Variants in RASEF observed in about 807,000 individuals in gnomAD.
RASEF encodes RAS and EF-hand domain containing.
A neutral mutation model predicts 90.1 loss-of-function variants in RASEF; 68 were observed. The observed-to-expected ratio is 0.75, with a 90% confidence interval of 0.62 to 0.92. RASEF has a LOEUF of 0.92. Among genes scored for constraint, RASEF ranks in the 40% least tolerant of loss-of-function variants. The pLI, the probability that RASEF is intolerant of heterozygous loss-of-function variation, is 0.00. For missense variants in RASEF, 949 were observed against 937.2 expected (o/e 1.01, Z -0.16); for synonymous variants, 331 against 345.2 (o/e 0.96, Z 0.46).
chr9:83,001,739 G>T (rs2118450425), intron 9 of RASEF, among the ~76,000 whole-genome samples: 1 of 152,182 alleles, frequency 6.6e-6, no homozygotes, highest in African/African-American at 2.4e-5. Flanking sequence ...AGCTTTTCTG[G>T]GTGTCATATT....
At chr9:83,071,038 C>T in the RASEF span, among the ~76,000 whole-genome samples, 1 of 152,110 alleles carries the variant, frequency 6.6e-6, no homozygotes, top group African/African-American at 2.4e-5. Context: ...GAATTTTCTC[C>T]ATACACAATT....
the RASEF span, among the ~76,000 whole-genome samples, chr9:83,171,329 T>C: frequency 6.6e-6 from 1 of 151,936 alleles, no homozygotes; most frequent in Non-Finnish European, 1.5e-5. Flanking sequence ...TTCAATTTGC[T>C]GGTATTTTAT....
chr9:83,123,614 C>T, the RASEF span, among the ~76,000 whole-genome samples: 1 of 128,718 alleles, frequency 7.8e-6, no homozygotes, highest in East Asian at 2.2e-4. Flanking sequence ...CAGATGCTTC[C>T]CTCCTCCTTC....
the RASEF span, among the ~76,000 whole-genome samples, chr9:83,208,643 C>T: frequency 2.0e-5 from 3 of 152,136 alleles, no homozygotes; most frequent in African/African-American, 7.2e-5. Context: ...GGGCATGGCA[C>T]CTCCTCCCTC....
chr9:83,023,268 A>G lies in RASEF; in HGVS notation c.579-842T>C, dbSNP rs188727401. ...GAATGTAGATAAGGTTACCTTTTAG[A>G]AAAATTATGTTTCTGTTAGGAGTGC... On this transcript the variant is annotated intron_variant, in intron 2 of 16. Coordinates refer to ENST00000376447, the MANE Select transcript of RASEF (RefSeq NM_152573.4). Among the ~76,000 whole-genome samples the G allele has an allele frequency of 3.4e-3, 512 of 152,352 alleles. 5 individuals carry two copies. Among genetic ancestry groups the G allele is most frequent in the African/African-American group, 0.011 (470 of 41,582 alleles).
At chr9:83,024,735 G>C (rs1024250059) in intron 2 of RASEF, among the ~76,000 whole-genome samples, 1 of 152,192 alleles carries the variant, frequency 6.6e-6, no homozygotes, top group African/African-American at 2.4e-5. Context: ...TTCATACCAA[G>C]AATTTAAAAT....
At chr9:83,085,361 C>T in the RASEF span, among the ~76,000 whole-genome samples, 1 of 152,212 alleles carries the variant, frequency 6.6e-6, no homozygotes, top group African/African-American at 2.4e-5. Flanking sequence ...TGGTGGGACA[C>T]AGTGGCTCAC....
Position 83,062,643 on chromosome 9 carries a change from G to C in RASEF, c.225C>G (p.Leu75=), listed in dbSNP as rs1397681556. 2.6e-6 allele frequency: 4 copies of C among 1,556,916 alleles called. No individual in the cohort carries two copies. Among genetic ancestry groups the C allele is most frequent in the East Asian group, 4.7e-5 (2 of 42,138 alleles). ...QEFARGFLGS[L]RGGRRRDWGP... ...CCCAGTCCCGGCGCCGCCCCCCGCG[G>C]AGGGACCCGAGGAAGCCACGCGCGA... Residue 75 remains leucine (L), a synonymous_variant, in exon 1 of 17, where the codon CTC becomes CTG. Coordinates refer to ENST00000376447, the MANE Select transcript of RASEF (RefSeq NM_152573.4).
intron 1 of RASEF, among the ~76,000 whole-genome samples, chr9:83,047,157 T>C (rs1829949640): frequency 6.6e-6 from 1 of 152,082 alleles, no homozygotes; most frequent in African/African-American, 2.4e-5. Flanking sequence ...GAACATGCCA[T>C]TACCTTGGGT....
At chr9:83,204,448 G>A in the RASEF span, among the ~76,000 whole-genome samples, 1 of 152,144 alleles carries the variant, frequency 6.6e-6, no homozygotes, top group Non-Finnish European at 1.5e-5. Flanking sequence ...ACTGGCTATG[G>A]GTCCTAAGAA....
chr9:83,199,224 TA>T, the RASEF span, among the ~76,000 whole-genome samples: 439 of 118,466 alleles, frequency 3.7e-3, 1 homozygote, highest in African/African-American at 0.012. Flanking sequence ...AGCCCTAATT[TA>T]AAAAAAAAAA....
At chr9:83,161,158 C>T in the RASEF span, among the ~76,000 whole-genome samples, 1 of 152,216 alleles carries the variant, frequency 6.6e-6, no homozygotes, top group Admixed American at 6.5e-5. Context: ...AAGAGGGCTA[C>T]TGTCCTCCAG....
chr9:83,200,946 G>C, the RASEF span: 1 of 152,150 alleles, frequency 6.6e-6, no homozygotes, highest in Non-Finnish European at 1.5e-5. Context: ...TCTCTTAAAG[G>C]GTCATAGACC....
At chr9:83,063,612 C>G (rs1311981267), upstream of RASEF, among the ~76,000 whole-genome samples, 6 of 152,206 alleles carry the variant, frequency 3.9e-5, no homozygotes, top group East Asian at 1.2e-3. Context: ...TGCTTAAACA[C>G]AGATCTTCCA....
chr9:83,055,704 A>G, intron 1 of RASEF: 1 of 716,984 alleles, frequency 1.4e-6, no homozygotes, highest in Non-Finnish European at 2.6e-6. Flanking sequence ...AAAGTCATCC[A>G]AATCTGTAAT....
chr9:83,005,357 A>G lies in RASEF; in HGVS notation c.1113+59T>C, dbSNP rs992730271. The stretch of plus-strand genomic sequence containing the variant: ...TTAAGAAATTACATTATTTTCATCA[A>G]CACCAAAATACTCCACCACTAGAAA... On this transcript the variant is annotated intron_variant, in intron 8 of 16. Coordinates refer to ENST00000376447, the MANE Select transcript of RASEF (RefSeq NM_152573.4). The G allele has an allele frequency of 3.8e-5, 46 of 1,214,146 alleles. 2 individuals are homozygous for G. The South Asian group carries it at 5.5e-4, about 15-fold the overall frequency. The allele number at this position is 1,214,146 out of a possible 1,614,324, so 75.2% of individuals were successfully genotyped here.
At chr9:83,008,582 A>C (rs1272186305) in intron 6 of RASEF, among the ~76,000 whole-genome samples, 1 of 151,978 alleles carries the variant, frequency 6.6e-6, no homozygotes, top group Non-Finnish European at 1.5e-5. Context: ...ATGCTTGCGA[A>C]GGACCAGGAC....
the RASEF span, among the ~76,000 whole-genome samples, chr9:83,088,539 C>T: frequency 1.3e-5 from 2 of 152,018 alleles, no homozygotes; most frequent in African/African-American, 2.4e-5. Context: ...ATCAATATTG[C>T]TGAATGGCCT....
At chr9:83,093,832 C>T in the RASEF span, among the ~76,000 whole-genome samples, 2 of 152,336 alleles carry the variant, frequency 1.3e-5, no homozygotes, top group African/African-American at 2.4e-5. Context: ...CGAGAGCGAG[C>T]GAGGGGTGTG....
Sources: gnomAD v4.1 joint callset for allele counts (sites outside exome capture counted in the v4.1 genomes callset) on GRCh38, gnomAD v4.1.1 for gene constraint, MANE v1.5 for transcripts, NCBI Gene and HGNC (gene_info 2026-07-23, HGNC 2026-07-21) for gene names.